ANKRD29: variants seen among roughly 807,000 people sequenced by gnomAD.
ANKRD29 encodes the protein ankyrin repeat domain 29.
In ANKRD29, 32 loss-of-function variants were observed where a neutral mutation model predicts 38.0. The observed-to-expected ratio is 0.84, with a 90% confidence interval of 0.64 to 1.13. ANKRD29 has a LOEUF of 1.13. Among genes scored for constraint, ANKRD29 ranks in the 50% most tolerant of loss-of-function variants. The pLI is 0.00. For missense variants in ANKRD29, 357 were observed against 377.9 expected (o/e 0.94, Z 0.46); for synonymous variants, 135 against 152.4 (o/e 0.89, Z 0.84).
rs2059863603 is a variant in ANKRD29 at position 23,626,464 on chromosome 18, C to T, written c.528+3389G>A. On this transcript the variant is annotated intron_variant, in intron 6 of 9. Transcript: ENST00000592179. ...TAATAGAAAAATAGAAATAGCCACT[C>T]AGCTAGTGATTAAAAAGGTCTGACT... 1.3e-5 allele frequency among the ~76,000 whole-genome samples: 2 copies of T among 152,136 alleles called. 1 individual carries two copies. The highest frequency in any genetic ancestry group is 4.1e-4 in the South Asian group (2 of 4,828).
At chr18:23,617,601 G>A in intron 8 of ANKRD29, 131 bp downstream of exon 8, 1 of 503,832 alleles carries the variant, frequency 2.0e-6, no homozygotes. Context: ...GCATCAAGAA[G>A]CTGCAGGTGT....
chr18:23,641,006 G>A (rs1191691711), intron 3 of ANKRD29, among the ~76,000 whole-genome samples: 1 of 152,010 alleles, frequency 6.6e-6, no homozygotes, highest in Non-Finnish European at 1.5e-5. Context: ...TGGGAGTGGG[G>A]ACAATAAGAC....
At chr18:23,617,912 C>T in intron 7 of ANKRD29, 85 bp from the exon 8 acceptor site, 3 of 1,068,492 alleles carry the variant, frequency 2.8e-6, no homozygotes, top group Non-Finnish European at 1.4e-6. Context: ...TGGAAAGTAC[C>T]GTTGTCAGAA....
At chr18:23,635,637 A>G (rs922083038) in intron 4 of ANKRD29, among the ~76,000 whole-genome samples, 1 of 152,218 alleles carries the variant, frequency 6.6e-6, no homozygotes, top group African/African-American at 2.4e-5. Context: ...TAGTTTCTAA[A>G]TTTGGGCATA....
At position 23,634,384 on chromosome 18, in the gene ANKRD29, G is replaced by A. The variant is rs182918406; in HGVS notation, c.331-235C>T. Among the ~76,000 whole-genome samples the A allele has an allele frequency of 2.4e-4, 35 of 148,442 alleles. No individual in the cohort carries two copies. In the East Asian group the frequency reaches 6.6e-3, roughly 28 times the overall value. Reference sequence around the variant, plus strand: ...GGCTCACTGCAATCTCCGCCTCCTGGGTTCAAGCGATTCTCTTGCCTCAGC... The same window carrying A: ...GGCTCACTGCAATCTCCGCCTCCTGAGTTCAAGCGATTCTCTTGCCTCAGC... On this transcript the variant is annotated intron_variant, in intron 4 of 9. Transcript: ENST00000592179.
intron 9 of ANKRD29, among the ~76,000 whole-genome samples, chr18:23,603,493 C>T (rs913681990): frequency 2.6e-5 from 4 of 152,172 alleles, no homozygotes; most frequent in African/African-American, 9.7e-5. Context: ...ATTAGCTGGG[C>T]GTGGTGGCAC....
chr18:23,630,022 G>A (rs2145684479), intron 5 of ANKRD29, 71 bp from the exon 6 acceptor site: 5 of 1,359,546 alleles, frequency 3.7e-6, no homozygotes, highest in Middle Eastern at 1.9e-4. Context: ...ATTAGGGCGG[G>A]TGCAGTGGCT....
intron 6 of ANKRD29, among the ~76,000 whole-genome samples, chr18:23,625,903 C>A (rs1475441794): frequency 6.6e-6 from 1 of 152,190 alleles, no homozygotes; most frequent in South Asian, 2.1e-4. Context: ...GGCCCTATAT[C>A]TGGAGCCTTC....
intron 3 of ANKRD29, among the ~76,000 whole-genome samples, chr18:23,643,004 C>A (rs1392491115): frequency 6.6e-6 from 1 of 152,208 alleles, no homozygotes; most frequent in Non-Finnish European, 1.5e-5. Flanking sequence ...CAACCCTTTT[C>A]CTTTCCATAA....
intron 8 of ANKRD29, among the ~76,000 whole-genome samples, chr18:23,616,094 G>A (rs998032495): frequency 2.7e-5 from 4 of 147,906 alleles, no homozygotes; most frequent in African/African-American, 1.0e-4. Flanking sequence ...TACACATACC[G>A]TATGTATGTA....
intron 1 of ANKRD29, chr18:23,649,405 G>A: frequency 2.8e-6 from 2 of 703,892 alleles, no homozygotes; most frequent in Non-Finnish European, 5.2e-6. Context: ...GAAGAGCAGT[G>A]TTGTTGATAA....
At chr18:23,643,079 T>G (rs889379700) in intron 3 of ANKRD29, among the ~76,000 whole-genome samples, 1 of 152,210 alleles carries the variant, frequency 6.6e-6, no homozygotes, top group Non-Finnish European at 1.5e-5. Context: ...CAATCTCTTT[T>G]GACTTCTATC....
intron 1 of ANKRD29, 98 bp downstream of exon 1, chr18:23,662,612 C>CGGGCAGCG: frequency 4.9e-6 from 2 of 406,932 alleles, no homozygotes; most frequent in African/African-American, 2.2e-5. Context: ...CAGCGGGCAG[C>CGGGCAGCG]GCCCACCCCA....
At chr18:23,610,567 G>A (rs141523967) in intron 9 of ANKRD29, among the ~76,000 whole-genome samples, 8,352 of 152,142 alleles carry the variant, frequency 0.055, 544 homozygotes, top group Admixed American at 0.19. Flanking sequence ...GGCCAAGGTG[G>A]GAGGATTGCT....
chr18:23,643,708 G>A (rs1476101549), intron 3 of ANKRD29, among the ~76,000 whole-genome samples: 6 of 152,188 alleles, frequency 3.9e-5, no homozygotes, highest in Non-Finnish European at 7.3e-5. Flanking sequence ...ATGCCTGAGA[G>A]GTGTCATCAG....
At chr18:23,612,998 AT>A (rs2059663109) in intron 8 of ANKRD29, among the ~76,000 whole-genome samples, 1 of 152,096 alleles carries the variant, frequency 6.6e-6, no homozygotes, top group African/African-American at 2.4e-5. Context: ...AACCACTCTG[AT>A]TTTGTAAAAG....
intron 1 of ANKRD29, among the ~76,000 whole-genome samples, chr18:23,654,710 A>T (rs1459386271): frequency 6.6e-6 from 1 of 151,664 alleles, no homozygotes; most frequent in Non-Finnish European, 1.5e-5. Flanking sequence ...AATTGAGTGC[A>T]AGCTTCCACA....
At chr18:23,617,703 G>T (rs1285395579) in intron 8 of ANKRD29, 29 bp downstream of exon 8, 4 of 1,585,268 alleles carry the variant, frequency 2.5e-6, no homozygotes, top group African/African-American at 1.3e-5. Flanking sequence ...CTCTCTTACA[G>T]ATTAGTAAAA....
chr18:23,609,932 G>A (rs370218574), intron 9 of ANKRD29, among the ~76,000 whole-genome samples: 3 of 152,310 alleles, frequency 2.0e-5, no homozygotes, highest in African/African-American at 7.2e-5. Flanking sequence ...CAATGGGAAT[G>A]GGGAAGTAAT....
Sources: allele counts gnomAD v4.1 joint callset (sites outside exome capture counted in the v4.1 genomes callset), GRCh38; gene constraint gnomAD v4.1.1; transcripts MANE v1.5; gene names NCBI Gene and HGNC (gene_info 2026-07-23, HGNC 2026-07-21).